The following VPS37A variants were observed in gnomAD, a reference collection of about 807,000 sequenced individuals.
VPS37A encodes VPS37A subunit of ESCRT-I, also known as vacuolar protein sorting-associated protein 37A.
VPS37A carries 30 observed loss-of-function variants against 49.8 expected under a neutral mutation model. The observed-to-expected ratio is 0.60, with a 90% CI of 0.45 to 0.82. VPS37A has a LOEUF of 0.82. VPS37A is among the 40% of genes least tolerant of loss of function. VPS37A has a pLI of 0.00. For missense variants in VPS37A, 593 were observed against 464.4 expected (o/e 1.28, Z -2.55); for synonymous variants, 195 against 160.6 (o/e 1.21, Z -1.62).
the VPS37A span, among the ~76,000 whole-genome samples, chr8:17,323,411 C>G: frequency 6.6e-6 from 1 of 151,974 alleles, no homozygotes; most frequent in Admixed American, 6.6e-5. Flanking sequence ...CCAGGATGAA[C>G]AGGAACCAAA....
At chr8:17,294,016 G>C (rs1360763906) in intron 11 of VPS37A, among the ~76,000 whole-genome samples, 1 of 152,196 alleles carries the variant, frequency 6.6e-6, no homozygotes, top group Non-Finnish European at 1.5e-5. Flanking sequence ...AGAGCCGGCA[G>C]GCAGGAACGT....
At chr8:17,277,889 C>G (rs1391974432) in intron 6 of VPS37A, among the ~76,000 whole-genome samples, 1 of 151,474 alleles carries the variant, frequency 6.6e-6, no homozygotes, top group Non-Finnish European at 1.5e-5. Context: ...CACACACACA[C>G]ACACACACAC....
chr8:17,287,228 A>T (rs10503591), intron 11 of VPS37A, among the ~76,000 whole-genome samples: 14,199 of 152,158 alleles, frequency 0.093, 745 homozygotes, highest in African/African-American at 0.11. Context: ...ATGTTATTTG[A>T]TAGGACAGGG....
chr8:17,273,807 T>G (rs1380079495), intron 4 of VPS37A, among the ~76,000 whole-genome samples: 1 of 152,194 alleles, frequency 6.6e-6, no homozygotes, highest in Non-Finnish European at 1.5e-5. Flanking sequence ...CCACAAAATT[T>G]CCAACTCAGG....
At chr8:17,309,174 C>A in the VPS37A span, 1 of 784,120 alleles carries the variant, frequency 1.3e-6, no homozygotes, top group Non-Finnish European at 2.1e-6. Flanking sequence ...ATAAGAGACA[C>A]AAACTCAAAA....
chr8:17,283,173 ATT>A (rs371088557), intron 9 of VPS37A, among the ~76,000 whole-genome samples: 8 of 149,976 alleles, frequency 5.3e-5, no homozygotes, highest in African/African-American at 2.0e-4. Context: ...CATGGCCATT[ATT>A]TTTTTTTTCT....
In VPS37A at chr8:17,247,032, G is replaced by T. The variant is rs1811282257; in HGVS notation, c.-213G>T. On this transcript the variant is annotated 5_prime_UTR_variant, in exon 1 of 12. Coordinates refer to ENST00000324849, the MANE Select transcript of VPS37A (RefSeq NM_152415.3). ...AAGGTGGGACCTCCTGTTCCGGGCC[G>T]CAAGTTTCCCTCTCCAGCCGCCCGC... 1 of 632,906 alleles carries T rather than the reference G, an allele frequency of 1.6e-6. No homozygotes were observed. The highest frequency in any genetic ancestry group is 2.7e-6 in the Non-Finnish European group (1 of 372,576). 39.2% of individuals were successfully genotyped at this position (632,906 alleles called of 1,614,324 possible).
At chr8:17,251,463 A>G (rs1159292569) in intron 1 of VPS37A, among the ~76,000 whole-genome samples, 1 of 152,252 alleles carries the variant, frequency 6.6e-6, no homozygotes, top group African/African-American at 2.4e-5. Context: ...AGGACGAATT[A>G]CATTCCTTCT....
chr8:17,326,684 G>A, the VPS37A span, among the ~76,000 whole-genome samples: 1 of 152,316 alleles, frequency 6.6e-6, no homozygotes, highest in Admixed American at 6.5e-5. Context: ...CAGCCAACAT[G>A]TGGGGCCCTC....
chr8:17,248,093 C>G (rs997710475), intron 1 of VPS37A: 10 of 371,486 alleles, frequency 2.7e-5, no homozygotes, highest in Non-Finnish European at 5.1e-5. Context: ...TCAACTTTTA[C>G]TGTAAATTGG....
At chr8:17,300,421 A>T, downstream of VPS37A, 1 of 597,906 alleles carries the variant, frequency 1.7e-6, no homozygotes, top group Non-Finnish European at 2.9e-6. Flanking sequence ...TAATGTAAGG[A>T]TAATACCTGC....
chr8:17,328,275 A>G, the VPS37A span, among the ~76,000 whole-genome samples: 20 of 152,288 alleles, frequency 1.3e-4, no homozygotes, highest in Middle Eastern at 3.4e-3. Flanking sequence ...GAGAGATGCA[A>G]GTAACTCCAT....
At chr8:17,322,684 G>A in the VPS37A span, among the ~76,000 whole-genome samples, 1 of 152,072 alleles carries the variant, frequency 6.6e-6, no homozygotes, top group Non-Finnish European at 1.5e-5. Context: ...AATTAGCTGG[G>A]TGTGGAGGTG....
chr8:17,261,792 A>G (rs1023095483), intron 1 of VPS37A, among the ~76,000 whole-genome samples: 2 of 152,192 alleles, frequency 1.3e-5, no homozygotes, highest in Non-Finnish European at 2.9e-5. Context: ...GTTCCTGCCC[A>G]TGGTTTCTGT....
the VPS37A span, among the ~76,000 whole-genome samples, chr8:17,318,618 A>G: frequency 0.8 from 121,402 of 152,090 alleles, 48,812 homozygotes; most frequent in African/African-American, 0.89. Flanking sequence ...GCATCATGTC[A>G]GCTAATTCAC....
Position 17,247,129 on chromosome 8 carries a change from G to A in VPS37A, c.-116G>A. 7.1e-7 allele frequency: 1 copy of A among 1,409,510 alleles called. No individual in the cohort carries two copies. The allele number at this position is 1,409,510 out of a possible 1,614,324, so 87.3% of individuals were successfully genotyped here. A position where few individuals can be genotyped will look rare whatever the true frequency, so the allele number is the denominator to read the frequency against. ...GCTTAGAGAAGACGCGGTCCCCAGC[G>A]CTTGGGCCACGGACGTCCCACCCCG... On this transcript the variant is annotated 5_prime_UTR_variant, in exon 1 of 12. Coordinates refer to ENST00000324849, the MANE Select transcript of VPS37A (RefSeq NM_152415.3).
Position 17,295,662 on chromosome 8 carries a change from T to G in VPS37A, c.*676T>G, listed in dbSNP as rs1207328418. ...AGGAAAAAAAAAAGTTGCCTTTCAT[T>G]TAAACCATTCCAACAGAAATTCTTA... On this transcript the variant is annotated 3_prime_UTR_variant, in exon 12 of 12. Transcript: ENST00000324849. The G allele has an allele frequency of 1.3e-5, 2 of 152,532 alleles. No individual in the cohort carries two copies. The highest frequency in any genetic ancestry group is 6.5e-5 in the Admixed American group (1 of 15,276). 9.4% of individuals were successfully genotyped at this position (152,532 alleles called of 1,614,324 possible).
At chr8:17,252,973 A>T (rs1010482820) in intron 1 of VPS37A, among the ~76,000 whole-genome samples, 1 of 152,164 alleles carries the variant, frequency 6.6e-6, no homozygotes, top group Non-Finnish European at 1.5e-5. Context: ...TGACACATTA[A>T]ATTATATTGT....
At chr8:17,264,608 A>C (rs536558428) in intron 1 of VPS37A, among the ~76,000 whole-genome samples, 1 of 152,228 alleles carries the variant, frequency 6.6e-6, no homozygotes, top group African/African-American at 2.4e-5. Flanking sequence ...TAAGATTTAC[A>C]TATCCTAGAG....
Sources: gnomAD v4.1 joint callset for allele counts (sites outside exome capture counted in the v4.1 genomes callset) on GRCh38, gnomAD v4.1.1 for gene constraint, MANE v1.5 for transcripts, NCBI Gene and HGNC (gene_info 2026-07-23, HGNC 2026-07-21) for gene names.